Variants in MYO1F observed in about 807,000 individuals in gnomAD.
The protein encoded by MYO1F is myosin IF.
A neutral mutation model predicts 146.6 loss-of-function variants in MYO1F; 60 were observed. The ratio of observed to expected loss-of-function variants is 0.41; its 90% CI spans 0.33 to 0.51. The LOEUF (loss-of-function observed/expected upper bound fraction) is 0.51. Ranked by LOEUF, MYO1F falls within the 20% of genes least tolerant of loss-of-function variation. The probability of loss-of-function intolerance (pLI) is 0.25; values close to 1 mark genes in which losing one functional copy is unlikely to be tolerated. For missense variants in MYO1F, 1,274 were observed against 1,534.3 expected (o/e 0.83, Z 2.83); for synonymous variants, 602 against 602.1 (o/e 1.00, Z 0.00).
chr19:8,553,506 T>C, intron 4 of MYO1F, 69 bp from the exon 5 acceptor site: 3 of 1,258,706 alleles, frequency 2.4e-6, no homozygotes, highest in South Asian at 1.2e-5. Flanking sequence ...TGACCATTCA[T>C]TCATTGAGCA....
At chr19:8,549,829 C>T (rs374915218) in intron 10 of MYO1F, 2 of 404,960 alleles carry the variant, frequency 4.9e-6, no homozygotes, top group South Asian at 2.4e-5. Context: ...GAGACAGGGT[C>T]TTGCTCTGTC....
chr19:8,526,411 C>G (rs1167635613), intron 24 of MYO1F, 42 bp downstream of exon 24: 1 of 1,546,862 alleles, frequency 6.5e-7, no homozygotes, highest in African/African-American at 1.4e-5. Flanking sequence ...TAACCAGCCT[C>G]GCTGGCCCCG....
chr19:8,553,501 A>T, intron 4 of MYO1F, 64 bp from the exon 5 acceptor site: 3 of 1,328,168 alleles, frequency 2.3e-6, no homozygotes, highest in Non-Finnish European at 3.3e-6. Context: ...GTGCCTGACC[A>T]TTCATTCATT....
At chr19:8,574,587 CTCTCTCTCT>C (rs1568381054) in intron 1 of MYO1F, among the ~76,000 whole-genome samples, 1 of 81,484 alleles carries the variant, frequency 1.2e-5, no homozygotes, top group African/African-American at 5.7e-5. Flanking sequence ...TTCTCTCTCT[CTCTCTCTCT>C]CTTTCTTTCT....
At chr19:8,537,306 G>A (rs899907660) in intron 16 of MYO1F, among the ~76,000 whole-genome samples, 3 of 152,134 alleles carry the variant, frequency 2.0e-5, no homozygotes, top group Admixed American at 6.6e-5. Context: ...CACGTCTACC[G>A]CACTCACCAC....
intron 21 of MYO1F, chr19:8,529,995 T>C (rs1382658287): frequency 4.2e-6 from 3 of 706,810 alleles, no homozygotes; most frequent in African/African-American, 1.8e-5. Flanking sequence ...GGTGAGGGTA[T>C]ACCTGTGATG....
chr19:8,563,030 C>T (rs1200236258), intron 1 of MYO1F, among the ~76,000 whole-genome samples: 1 of 148,688 alleles, frequency 6.7e-6, no homozygotes, highest in Non-Finnish European at 1.5e-5. Flanking sequence ...CTCACTCTGT[C>T]GCCCAGGCTG....
chr19:8,548,624 G>C lies in MYO1F; in HGVS notation c.1102-307C>G, dbSNP rs796411164. ...TTTTTTTCTTTTTTTTTTTTGAGAC[G>C]GAGTCTCACTCTGTCGCCCAGGCTG... On this transcript the variant is annotated intron_variant, in intron 10 of 27. Coordinates refer to ENST00000644032, the MANE Select transcript of MYO1F (RefSeq NM_012335.4). Among the ~76,000 whole-genome samples, 15 of 145,046 alleles carry C rather than the reference G, an allele frequency of 1.0e-4. 1 individual carries two copies. Among genetic ancestry groups the C allele is most frequent in the African/African-American group, 3.9e-4 (15 of 38,246 alleles).
At chr19:8,526,710 C>A in intron 23 of MYO1F, 79 bp downstream of exon 23, 1 of 1,532,612 alleles carries the variant, frequency 6.5e-7, no homozygotes, top group East Asian at 2.4e-5. Flanking sequence ...AAGCGCAGTT[C>A]GGCCGGGTCG....
At chr19:8,538,200 A>T (rs112090355) in intron 16 of MYO1F, among the ~76,000 whole-genome samples, 8,944 of 151,120 alleles carry the variant, frequency 0.059, 877 homozygotes, top group African/African-American at 0.2. Context: ...TCCTGACCTC[A>T]GGTGATCCAC....
In MYO1F at chr19:8,534,154, G is replaced by A. The variant is rs1972605214; in HGVS notation, c.2043+2098C>T. ...AGATTGCGCCATTCCACTTTAGCCTGGGTGACAGAGCGAGACTCTGTCTAA... is the reference window on the plus strand; with the variant it reads ...AGATTGCGCCATTCCACTTTAGCCTAGGTGACAGAGCGAGACTCTGTCTAA... On this transcript the variant is annotated intron_variant, in intron 19 of 27. Coordinates refer to ENST00000644032, the MANE Select transcript of MYO1F (RefSeq NM_012335.4). 1.3e-5 allele frequency among the ~76,000 whole-genome samples: 2 copies of A among 150,378 alleles called. 1 individual carries two copies. Among genetic ancestry groups the A allele is most frequent in the South Asian group, 4.2e-4 (2 of 4,730 alleles).
At position 8,527,426 on chromosome 19, in the gene MYO1F, T is replaced by C; in HGVS notation, c.2386A>G (p.Lys796Glu). 6.2e-7 allele frequency: 1 copy of C among 1,614,004 alleles called. No individual in the cohort carries two copies. The highest frequency in any genetic ancestry group is 8.5e-7 in the Non-Finnish European group (1 of 1,179,994). Reference protein sequence around the residue: ...PKCVYVIGREKVKKGPEKGQV... With the variant: ...PKCVYVIGREEVKKGPEKGQV... ...CCCTTCTCAGGTCCCTTCTTCACTT[T>C]CTCTCGCCCAATCACATACACACAC... Residue 796 changes from lysine to glutamate, a missense_variant, in exon 22 of 28, where the codon AAA becomes GAA. Physicochemically the swap from Lys to Glu is moderately conservative, Grantham distance 56. Around this residue, in one of 2 missense-constraint regions of MYO1F, gnomAD observed 900 missense variants for 1,155.1 expected, o/e 0.78. Transcript: ENST00000644032.
Position 8,541,773 on chromosome 19 carries a change from T to C in MYO1F, c.1610+133A>G. ...TCAGAACTAGTCCATAGAAACACCA[T>C]CCTGGCCGCACAGCCACTCCCCTCG... On this transcript the variant is annotated intron_variant, in intron 15 of 27. Transcript: ENST00000644032. The C allele has an allele frequency of 7.1e-6, 6 of 845,964 alleles. No homozygotes were observed. The South Asian group carries it at 8.2e-5, about 12-fold the overall frequency. The allele number at this position is 845,964 out of a possible 1,614,324, so 52.4% of individuals were successfully genotyped here.
intron 6 of MYO1F, among the ~76,000 whole-genome samples, chr19:8,552,571 G>C (rs550704180): frequency 6.6e-6 from 1 of 152,124 alleles, no homozygotes; most frequent in Non-Finnish European, 1.5e-5. Flanking sequence ...CCAGCCCAAG[G>C]GTATGGAATT....
intron 13 of MYO1F, among the ~76,000 whole-genome samples, chr19:8,544,998 G>A (rs1029404219): frequency 2.0e-5 from 3 of 152,016 alleles, no homozygotes; most frequent in Non-Finnish European, 4.4e-5. Flanking sequence ...GGCTGGTTTC[G>A]AACTCTTGGC....
chr19:8,526,743 G>A, intron 23 of MYO1F, 46 bp downstream of exon 23: 2 of 1,560,588 alleles, frequency 1.3e-6, no homozygotes, highest in South Asian at 2.3e-5. Context: ...AGGGTGCGCC[G>A]CGCCGAGACC....
chr19:8,560,118 G>A (rs1046223462), intron 1 of MYO1F, among the ~76,000 whole-genome samples: 1 of 152,006 alleles, frequency 6.6e-6, no homozygotes, highest in Non-Finnish European at 1.5e-5. Context: ...GCTTCCTTAA[G>A]GACACGGGAC....
intron 24 of MYO1F, 63 bp from the exon 25 acceptor site, chr19:8,525,625 A>G (rs1599910071): frequency 7.1e-7 from 1 of 1,407,650 alleles, no homozygotes; most frequent in Non-Finnish European, 9.9e-7. Flanking sequence ...CCGCCCACAA[A>G]TCTAGTCCAT....
Position 8,527,348 on chromosome 19 carries a change from C to T in MYO1F, c.2464G>A (p.Val822Ile). The T allele has an allele frequency of 6.2e-7, 1 of 1,614,072 alleles. No homozygotes were observed. The highest frequency in any genetic ancestry group is 8.5e-7 in the Non-Finnish European group (1 of 1,180,002). ...KKVDIQALRG[V>I]SLSTRQDDFF... ...AGGACCTGGCTTCACCTGAGGGAGA[C>T]TCCCCGCAGAGCCTGGATGTCCACT... is the stretch of plus-strand genomic sequence containing the variant. The change falls in exon 22 of 28, where the codon GTC (valine) becomes ATC (isoleucine). Residue 822 changes from valine (V) to isoleucine (I), a missense_variant. Transcript: ENST00000644032.
Sources: allele counts gnomAD v4.1 joint callset (sites outside exome capture counted in the v4.1 genomes callset), GRCh38; gene constraint gnomAD v4.1.1; regional missense constraint gnomAD v4.1.1; transcripts MANE v1.5; gene names NCBI Gene and HGNC (gene_info 2026-07-23, HGNC 2026-07-21).